IL1RAPL2: variants seen among roughly 807,000 people sequenced by gnomAD.
The protein encoded by IL1RAPL2 is X-linked interleukin-1 receptor accessory protein-like 2.
Under a neutral mutation model 44.1 loss-of-function variants are expected in IL1RAPL2, and 3 were observed. The observed-to-expected ratio is 0.07, with a 90% CI of 0.03 to 0.18. The LOEUF is 0.18. IL1RAPL2 is among the 10% of genes least tolerant of loss of function. The probability of loss-of-function intolerance (pLI) is 1.00; values close to 1 mark genes in which losing one functional copy is unlikely to be tolerated. For synonymous variants in IL1RAPL2, 181 were observed against 178.8 expected (o/e 1.01, Z -0.10); for missense variants, 391 against 496.4 (o/e 0.79, Z 2.02).
chrX:105,477,745 GAAC>G (rs750681751), intron 5 of IL1RAPL2, among the ~76,000 whole-genome samples: 7 of 111,336 alleles, frequency 6.3e-5, no homozygotes, highest in Non-Finnish European at 1.3e-4. Context: ...AATTCCCTCA[GAAC>G]AATAGGCAGT....
chrX:105,024,922 T>G (rs935524990), intron 2 of IL1RAPL2, among the ~76,000 whole-genome samples: 6 of 106,756 alleles, frequency 5.6e-5, no homozygotes, highest in Non-Finnish European at 9.5e-5. Context: ...GTTTTCTTGA[T>G]TAATTTTTTT....
At chrX:105,433,397 T>C (rs2035860981) in intron 5 of IL1RAPL2, among the ~76,000 whole-genome samples, 1 of 111,307 alleles carries the variant, frequency 9.0e-6, no homozygotes, top group Admixed American at 9.6e-5. Flanking sequence ...ATCTATAAAA[T>C]TAGGAAATTG....
intron 2 of IL1RAPL2, among the ~76,000 whole-genome samples, chrX:105,053,536 T>G (rs992629372): frequency 9.0e-6 from 1 of 111,312 alleles, no homozygotes; most frequent in African/African-American, 3.3e-5. Context: ...AGTAAGTGAT[T>G]GAGTATAGAA....
chrX:105,189,680 A>C (rs1481332815), intron 2 of IL1RAPL2, among the ~76,000 whole-genome samples: 1 of 112,082 alleles, frequency 8.9e-6, no homozygotes, highest in Non-Finnish European at 1.9e-5. Flanking sequence ...ATTATTAATA[A>C]TTAATTACTC....
chrX:104,817,129 C>G (rs1328120448), intron 2 of IL1RAPL2, among the ~76,000 whole-genome samples: 1 of 112,357 alleles, frequency 8.9e-6, no homozygotes, highest in Non-Finnish European at 1.9e-5. Context: ...AGTGGGGAAA[C>G]CCAGCAAGTC....
chrX:104,783,201 G>A (rs768751854), intron 2 of IL1RAPL2, among the ~76,000 whole-genome samples: 5 of 111,835 alleles, frequency 4.5e-5, no homozygotes, highest in Non-Finnish European at 9.4e-5. Flanking sequence ...TGGGCAGGTA[G>A]GTACTTTATG....
chrX:104,904,059 G>A (rs1923897586), intron 2 of IL1RAPL2, among the ~76,000 whole-genome samples: 1 of 110,631 alleles, frequency 9.0e-6, no homozygotes, highest in African/African-American at 3.3e-5. Context: ...TGGGTCAGAA[G>A]ATTCTGCAAA....
intron 1 of IL1RAPL2, among the ~76,000 whole-genome samples, chrX:104,582,604 C>CTT (rs1201425146): frequency 5.3e-4 from 17 of 32,218 alleles, no homozygotes; most frequent in Non-Finnish European, 9.2e-4. Context: ...CTTTTTCTTT[C>CTT]TTTCTTTCTT....
chrX:105,133,080 A>G (rs1039329362), intron 2 of IL1RAPL2, among the ~76,000 whole-genome samples: 78 of 112,053 alleles, frequency 7.0e-4, no homozygotes, highest in African/African-American at 2.5e-3. Flanking sequence ...TATAGCATCC[A>G]CTGGTAAATC....
At position 104,576,273 on chromosome X, in the gene IL1RAPL2, T is replaced by G. The variant is rs545760654; in HGVS notation, c.-20+9222T>G. ...CCAGCCAGTCTCGCTCTAAAATCCA[T>G]GCATTTAAACGTGACACAAAAGTAT... On this transcript the variant is annotated intron_variant, in intron 1 of 10. Coordinates refer to ENST00000372582, the MANE Select transcript of IL1RAPL2 (RefSeq NM_017416.2). Among the ~76,000 whole-genome samples, 8 of 111,458 alleles carry G rather than the reference T, an allele frequency of 7.2e-5. No individual in the cohort carries two copies. The South Asian group carries it at 3.0e-3, about 42-fold the overall frequency.
At chrX:105,084,009 C>G (rs2032447762) in intron 2 of IL1RAPL2, among the ~76,000 whole-genome samples, 1 of 112,471 alleles carries the variant, frequency 8.9e-6, no homozygotes, top group Non-Finnish European at 1.9e-5. Flanking sequence ...ACAACTTCCA[C>G]ATGGTGTTGG....
chrX:105,723,881 G>A (rs1332766418), intron 7 of IL1RAPL2, among the ~76,000 whole-genome samples: 2 of 111,846 alleles, frequency 1.8e-5, no homozygotes, highest in African/African-American at 6.5e-5. Flanking sequence ...ATGGATATTA[G>A]GTGACAGCAT....
chrX:105,563,737 G>A (rs930169808), intron 6 of IL1RAPL2, among the ~76,000 whole-genome samples: 7 of 111,320 alleles, frequency 6.3e-5, no homozygotes, highest in Non-Finnish European at 1.1e-4. Flanking sequence ...ATGCTGTGCT[G>A]TCTCCAGGGA....
chrX:104,736,806 T>C (rs997439788), intron 2 of IL1RAPL2, among the ~76,000 whole-genome samples: 3 of 112,273 alleles, frequency 2.7e-5, no homozygotes, highest in Admixed American at 1.9e-4. Context: ...GTGATTGCAA[T>C]GTTAGCAATC....
intron 2 of IL1RAPL2, among the ~76,000 whole-genome samples, chrX:104,832,686 C>A: frequency 9.0e-6 from 1 of 111,593 alleles, no homozygotes; most frequent in Admixed American, 9.6e-5. Flanking sequence ...GAAATTAATT[C>A]TTAGGGAAGA....
intron 5 of IL1RAPL2, among the ~76,000 whole-genome samples, chrX:105,435,720 G>T (rs1569440611): frequency 8.9e-6 from 1 of 111,817 alleles, no homozygotes; most frequent in Non-Finnish European, 1.9e-5. Context: ...CCACAAAAAG[G>T]AATGAGATCA....
At chrX:104,867,317 A>C (rs1043949278) in intron 2 of IL1RAPL2, among the ~76,000 whole-genome samples, 1 of 110,806 alleles carries the variant, frequency 9.0e-6, no homozygotes, top group Non-Finnish European at 1.9e-5. Flanking sequence ...GGAACTAAAA[A>C]TGGTATCACA....
intron 2 of IL1RAPL2, among the ~76,000 whole-genome samples, chrX:105,192,393 C>T (rs1035730529): frequency 8.9e-6 from 1 of 111,754 alleles, no homozygotes; most frequent in African/African-American, 3.3e-5. Flanking sequence ...TGACTGATCA[C>T]CTGACTTTTC....
chrX:104,745,469 AT>A (rs1932159540), intron 2 of IL1RAPL2, among the ~76,000 whole-genome samples: 1 of 112,142 alleles, frequency 8.9e-6, no homozygotes, highest in African/African-American at 3.2e-5. Flanking sequence ...TTGAGCATTC[AT>A]TTTTGCAGCA....
Sources: allele counts gnomAD v4.1 joint callset (sites outside exome capture counted in the v4.1 genomes callset), GRCh38; gene constraint gnomAD v4.1.1; transcripts MANE v1.5; gene names NCBI Gene and HGNC (gene_info 2026-07-23, HGNC 2026-07-21).